Variants in COL24A1 observed in about 807,000 individuals in gnomAD.
The protein encoded by COL24A1 is collagen type XXIV alpha 1 chain, also known as collagen alpha-1(XXIV) chain.
COL24A1 carries 224 observed loss-of-function variants against 253.9 expected under a neutral mutation model. The ratio of observed to expected loss-of-function variants is 0.88; its 90% CI spans 0.79 to 0.99. The LOEUF is 0.99. Among genes scored for constraint, COL24A1 ranks in the 50% least tolerant of loss-of-function variants. The pLI, the probability that COL24A1 is intolerant of heterozygous loss-of-function variation, is 0.00. For synonymous variants in COL24A1, 685 were observed against 673.7 expected (o/e 1.02, Z -0.26); for missense variants, 2,131 against 2,068.5 (o/e 1.03, Z -0.59).
chr1:86,117,844 T>C (rs1458109052), intron 3 of COL24A1, among the ~76,000 whole-genome samples: 1 of 152,224 alleles, frequency 6.6e-6, no homozygotes, highest in East Asian at 1.9e-4. Flanking sequence ...GGTTTTGCAA[T>C]CATACAATGT....
At chr1:86,099,646 C>T (rs961965925) in intron 5 of COL24A1, among the ~76,000 whole-genome samples, 1 of 152,116 alleles carries the variant, frequency 6.6e-6, no homozygotes, top group Non-Finnish European at 1.5e-5. Flanking sequence ...AATCTACCAG[C>T]AAATCATGTT....
At chr1:86,154,480 G>A (rs2102473895) in intron 1 of COL24A1, 1 of 152,696 alleles carries the variant, frequency 6.5e-6, no homozygotes, top group East Asian at 1.9e-4. Context: ...CTCTGCACAA[G>A]GGTTCTCTTC....
chr1:85,864,326 C>T (rs1679529146), intron 37 of COL24A1, among the ~76,000 whole-genome samples: 1 of 148,986 alleles, frequency 6.7e-6, no homozygotes, highest in Admixed American at 6.8e-5. Context: ...CGCATGTTCT[C>T]ACTCATAGGT....
chr1:86,080,507 A>C (rs185568127), intron 7 of COL24A1, among the ~76,000 whole-genome samples: 118 of 152,284 alleles, frequency 7.7e-4, no homozygotes, highest in African/African-American at 2.8e-3. Context: ...TGTGATCAGT[A>C]TGCATTGCAG....
intron 3 of COL24A1, among the ~76,000 whole-genome samples, chr1:86,120,411 C>G (rs1232047782): frequency 6.6e-6 from 1 of 152,156 alleles, no homozygotes; most frequent in Non-Finnish European, 1.5e-5. Flanking sequence ...GGGCTAATAT[C>G]CAGAATCTAC....
chr1:86,139,900 T>A (rs1650828844), intron 2 of COL24A1, among the ~76,000 whole-genome samples: 1 of 152,234 alleles, frequency 6.6e-6, no homozygotes, highest in South Asian at 2.1e-4. Context: ...TTTTGTATTA[T>A]TTTTTATAGT....
chr1:85,824,717 G>A (rs902327010), intron 43 of COL24A1, among the ~76,000 whole-genome samples: 14 of 152,174 alleles, frequency 9.2e-5, no homozygotes, highest in Middle Eastern at 3.4e-3. Context: ...ACCCAGAAGC[G>A]TGTCAGATGA....
intron 2 of COL24A1, among the ~76,000 whole-genome samples, chr1:86,129,524 T>C (rs1648833794): frequency 6.6e-6 from 1 of 151,836 alleles, no homozygotes; most frequent in Non-Finnish European, 1.5e-5. Flanking sequence ...TCTTGCTTGA[T>C]AATGAAGGCA....
chr1:85,862,586 T>C (rs192464690), intron 37 of COL24A1, among the ~76,000 whole-genome samples: 4 of 152,244 alleles, frequency 2.6e-5, no homozygotes, highest in East Asian at 1.9e-4. Flanking sequence ...TGTGAACATA[T>C]AAATCAAAGA....
intron 24 of COL24A1, among the ~76,000 whole-genome samples, chr1:85,914,413 T>C (rs1176334409): frequency 6.7e-6 from 1 of 150,226 alleles, no homozygotes; most frequent in Non-Finnish European, 1.5e-5. Context: ...TTTCTTGAGA[T>C]GGAGTCTCAC....
intron 37 of COL24A1, among the ~76,000 whole-genome samples, chr1:85,853,028 T>C (rs1326812853): frequency 3.3e-5 from 5 of 152,160 alleles, no homozygotes; most frequent in Non-Finnish European, 5.9e-5. Context: ...GTGGATAAAT[T>C]ATGTGTCACA....
chr1:86,145,054 T>C (rs1293719445), intron 2 of COL24A1, among the ~76,000 whole-genome samples: 1 of 152,120 alleles, frequency 6.6e-6, no homozygotes, highest in East Asian at 1.9e-4. Context: ...ATTTAGAAAA[T>C]GTCTTCTAAG....
At chr1:85,981,201 T>C (rs1693226637) in intron 20 of COL24A1, among the ~76,000 whole-genome samples, 1 of 152,078 alleles carries the variant, frequency 6.6e-6, no homozygotes, top group Non-Finnish European at 1.5e-5. Context: ...AAAGCAACAC[T>C]AAGCAAAAAG....
chr1:85,805,835 G>A (rs1671900914), intron 47 of COL24A1, among the ~76,000 whole-genome samples: 1 of 152,062 alleles, frequency 6.6e-6, no homozygotes, highest in African/African-American at 2.4e-5. Flanking sequence ...CAGCACTTTG[G>A]GAGGCCGAGG....
intron 10 of COL24A1, among the ~76,000 whole-genome samples, chr1:86,053,639 C>A (rs1321372275): frequency 1.3e-5 from 2 of 151,984 alleles, no homozygotes; most frequent in Non-Finnish European, 2.9e-5. Context: ...CCAGCAGGAC[C>A]ACCAGAAGGT....
intron 53 of COL24A1, among the ~76,000 whole-genome samples, chr1:85,769,755 G>A (rs1482046213): frequency 6.6e-6 from 1 of 152,146 alleles, no homozygotes; most frequent in Non-Finnish European, 1.5e-5. Flanking sequence ...CCCCTTCTCT[G>A]AATGTGCTTT....
chr1:85,864,764 A>G (rs1041227567), intron 37 of COL24A1, among the ~76,000 whole-genome samples: 3 of 152,198 alleles, frequency 2.0e-5, no homozygotes, highest in African/African-American at 7.2e-5. Flanking sequence ...GATAGTAAAA[A>G]CCACATTTCA....
At chr1:85,996,008 C>T (rs1271511316) in intron 19 of COL24A1, among the ~76,000 whole-genome samples, 1 of 152,090 alleles carries the variant, frequency 6.6e-6, no homozygotes, top group African/African-American at 2.4e-5. Context: ...TTCTTTATAG[C>T]AGTGCGAGAA....
intron 34 of COL24A1, 147 bp downstream of exon 34, chr1:85,875,130 G>A (rs1558489506): frequency 7.3e-6 from 5 of 687,352 alleles, no homozygotes; most frequent in Non-Finnish European, 1.3e-5. Context: ...CTGTCATAAG[G>A]AATAGGAGTT....
Sources: gnomAD v4.1 joint callset for allele counts (sites outside exome capture counted in the v4.1 genomes callset) on GRCh38, gnomAD v4.1.1 for gene constraint, MANE v1.5 for transcripts, NCBI Gene and HGNC (gene_info 2026-07-23, HGNC 2026-07-21) for gene names.